The following SYTL2 variants were observed in gnomAD, a reference collection of about 807,000 sequenced individuals.
SYTL2 encodes synaptotagmin like 2, also known as synaptotagmin-like protein 2.
SYTL2 carries 165 observed loss-of-function variants against 198.7 expected under a neutral mutation model. That is an observed-to-expected ratio of 0.83 (90% CI 0.73 to 0.94). SYTL2 has a LOEUF of 0.94. Among genes scored for constraint, SYTL2 ranks in the 40% least tolerant of loss-of-function variants. The pLI is 0.00. For synonymous variants in SYTL2, 966 were observed against 917.7 expected, an observed-to-expected ratio of 1.05 and a Z score of -0.95; for missense variants, 2,835 against 2,582.8, an observed-to-expected ratio of 1.10 and a Z score of -2.12.
rs566134565 is a variant in SYTL2, at chr11:85,694,435, T to C, written c.*760A>G. Reference sequence around the variant, plus strand: ...TGTGACTACTCTTATGCTGCTTTCATATAGTAAAGTTATAAGAAAAACAAT... The same window carrying C: ...TGTGACTACTCTTATGCTGCTTTCACATAGTAAAGTTATAAGAAAAACAAT... On this transcript the variant is annotated 3_prime_UTR_variant, in exon 20 of 20. Transcript: ENST00000359152. 6.6e-6 allele frequency: 1 copy of C among 152,358 alleles called. No individual in the cohort carries two copies. The highest frequency in any genetic ancestry group is 2.1e-4 in the South Asian group (1 of 4,828). The allele number at this position is 152,358 out of a possible 1,614,324, so 9.4% of individuals were successfully genotyped here. A position where few individuals can be genotyped will look rare whatever the true frequency, so the allele number is the denominator to read the frequency against.
chr11:85,797,006 T>C (rs1292060267), intron 1 of SYTL2, among the ~76,000 whole-genome samples: 1 of 152,202 alleles, frequency 6.6e-6, no homozygotes, highest in East Asian at 1.9e-4. Context: ...CTGGGCAACA[T>C]AGCAATACCC....
intron 1 of SYTL2, among the ~76,000 whole-genome samples, chr11:85,792,778 C>G (rs894514940): frequency 1.3e-5 from 2 of 151,306 alleles, no homozygotes; most frequent in Non-Finnish European, 2.9e-5. Context: ...TCCCTCCCCG[C>G]TCCCCACACC....
At chr11:85,720,991 C>T (rs1345288701) in intron 8 of SYTL2, 32 bp from the exon 9 acceptor site, 2 of 1,210,030 alleles carry the variant, frequency 1.7e-6, no homozygotes, top group Non-Finnish European at 2.4e-6. Flanking sequence ...GAACACTGCA[C>T]AATACCAAAA....
chr11:85,821,351 A>C, the SYTL2 span, among the ~76,000 whole-genome samples: 1 of 151,984 alleles, frequency 6.6e-6, no homozygotes, highest in South Asian at 2.1e-4. Context: ...TAAGGACTCC[A>C]GGAGTCAAAA....
chr11:85,850,376 C>G, the SYTL2 span, among the ~76,000 whole-genome samples: 2,844 of 151,742 alleles, frequency 0.019, 94 homozygotes, highest in African/African-American at 0.064. Flanking sequence ...GACATCAACA[C>G]ACACTTCTCA....
chr11:85,749,797 C>A (rs1319483805), intron 2 of SYTL2, among the ~76,000 whole-genome samples: 1 of 152,180 alleles, frequency 6.6e-6, no homozygotes, highest in Non-Finnish European at 1.5e-5. Flanking sequence ...CCTTCTCCTC[C>A]CAAAAGGACC....
At chr11:85,830,728 T>C in the SYTL2 span, among the ~76,000 whole-genome samples, 1 of 152,208 alleles carries the variant, frequency 6.6e-6, no homozygotes, top group Admixed American at 6.5e-5. Context: ...ATTTTGGAGC[T>C]TCTTCCTTCA....
chr11:85,785,190 A>G (rs1566021673), intron 1 of SYTL2, among the ~76,000 whole-genome samples: 1 of 152,200 alleles, frequency 6.6e-6, no homozygotes, highest in African/African-American at 2.4e-5. Context: ...CAAAACACCA[A>G]TGAGGTCCCC....
intron 12 of SYTL2, among the ~76,000 whole-genome samples, chr11:85,712,528 C>G (rs1259256248): frequency 6.6e-6 from 1 of 152,104 alleles, no homozygotes; most frequent in Non-Finnish European, 1.5e-5. Flanking sequence ...CTAGTTCAAC[C>G]CTATACCCCA....
chr11:85,817,693 C>T, the SYTL2 span, among the ~76,000 whole-genome samples: 175 of 152,122 alleles, frequency 1.2e-3, no homozygotes, highest in Admixed American at 2.2e-3. Context: ...TCTCCCATCA[C>T]CTCCTTCCTA....
At chr11:85,849,193 C>T in the SYTL2 span, among the ~76,000 whole-genome samples, 1 of 152,150 alleles carries the variant, frequency 6.6e-6, no homozygotes, top group African/African-American at 2.4e-5. Flanking sequence ...GATATTAGCC[C>T]TTTGTCAGAT....
In SYTL2 at chr11:85,748,653, T is replaced by G. The variant is rs1473871562; in HGVS notation, c.102-230A>C. Among the ~76,000 whole-genome samples the G allele has an allele frequency of 2.0e-5, 3 of 152,344 alleles. 1 individual carries two copies. The South Asian group carries it at 6.2e-4, about 32-fold the overall frequency. On this transcript the variant is annotated intron_variant, in intron 2 of 19. Coordinates refer to ENST00000359152, the MANE Select transcript of SYTL2 (RefSeq NM_206927.4). ...AAAGGTTTAATCCACGATTCCCGTATGATGCCTGAAATTTCTCAAGAGCAG... is the reference window on the plus strand; with the variant it reads ...AAAGGTTTAATCCACGATTCCCGTAGGATGCCTGAAATTTCTCAAGAGCAG...
At chr11:85,791,993 GA>G (rs2092737471) in intron 1 of SYTL2, among the ~76,000 whole-genome samples, 1 of 152,044 alleles carries the variant, frequency 6.6e-6, no homozygotes, top group Non-Finnish European at 1.5e-5. Context: ...TGAGAAAACT[GA>G]ACCTATAGAA....
In SYTL2 at chr11:85,720,915, TC is replaced by T. The variant is rs1565911854; in HGVS notation, c.5370del (p.Ser1791ValfsTer11). On this transcript the variant is annotated frameshift_variant, in exon 9 of 20. Coordinates refer to ENST00000359152, the MANE Select transcript of SYTL2 (RefSeq NM_206927.4). LOFTEE classifies it high-confidence loss of function. Reference protein sequence around the residue: ...EPSPVLKTLERSAARKMPSKS... With the variant: ...EPSPVLKTLEXSAARKMPSKS... ...TTGGAAGGCATTTTCCTAGCGGCAC[TC>T]CTTTCCAAAGTTTTCAAAACAGGAC... The T allele has an allele frequency of 1.2e-6, 2 of 1,613,668 alleles. No individual in the cohort carries two copies. The highest frequency in any genetic ancestry group is 2.2e-5 in the South Asian group (2 of 91,066).
the SYTL2 span, among the ~76,000 whole-genome samples, chr11:85,828,980 G>T: frequency 2.6e-5 from 4 of 151,978 alleles, no homozygotes; most frequent in Non-Finnish European, 4.4e-5. Context: ...CCACAGTGGT[G>T]CTTGGGAAGC....
intron 11 of SYTL2, 129 bp downstream of exon 11, chr11:85,717,354 A>G (rs1465284564): frequency 4.1e-6 from 3 of 724,762 alleles, no homozygotes; most frequent in Non-Finnish European, 7.1e-6. Flanking sequence ...GTAATGAAAT[A>G]GCTTTGCAAG....
At chr11:85,833,699 T>C in the SYTL2 span, among the ~76,000 whole-genome samples, 1 of 150,606 alleles carries the variant, frequency 6.6e-6, no homozygotes, top group Non-Finnish European at 1.5e-5. Flanking sequence ...AAGCAAACTT[T>C]CAGGAAAAGG....
intron 2 of SYTL2, among the ~76,000 whole-genome samples, chr11:85,752,005 G>A (rs1044051470): frequency 1.3e-5 from 2 of 152,166 alleles, no homozygotes; most frequent in African/African-American, 4.8e-5. Context: ...AAAGCCAGAA[G>A]AGCAGAAATG....
the SYTL2 span, among the ~76,000 whole-genome samples, chr11:85,848,412 T>C: frequency 1.1e-3 from 162 of 152,284 alleles, 1 homozygote; most frequent in Non-Finnish European, 1.4e-3. Flanking sequence ...ATTTTTTGTC[T>C]TATTCTAGAA....
Sources: gnomAD v4.1 joint callset for allele counts (sites outside exome capture counted in the v4.1 genomes callset) on GRCh38, gnomAD v4.1.1 for gene constraint, MANE v1.5 for transcripts, NCBI Gene and HGNC (gene_info 2026-07-23, HGNC 2026-07-21) for gene names.